The following YEATS2 variants were observed in gnomAD, a reference collection of about 807,000 sequenced individuals.
YEATS2 encodes the protein YEATS domain-containing protein 2.
Under a neutral mutation model 163.2 loss-of-function variants are expected in YEATS2, and 77 were observed. The ratio of observed to expected loss-of-function variants is 0.47; its 90% CI spans 0.39 to 0.57. The LOEUF (loss-of-function observed/expected upper bound fraction) is 0.57, where lower values mean the gene tolerates loss of function less well. Among genes scored for constraint, YEATS2 ranks in the 20% least tolerant of loss-of-function variants. The probability of loss-of-function intolerance (pLI) is 0.00; values close to 1 mark genes in which losing one functional copy is unlikely to be tolerated. For missense variants in YEATS2, 1,549 were observed against 1,729.8 expected, an observed-to-expected ratio of 0.90 and a Z score of 1.85; for synonymous variants, 631 against 645.1, an observed-to-expected ratio of 0.98 and a Z score of 0.33.
chr3:183,752,418 A>G (rs1720267605), intron 10 of YEATS2, among the ~76,000 whole-genome samples, 165 bp downstream of exon 10: 1 of 152,170 alleles, frequency 6.6e-6, no homozygotes, highest in Non-Finnish European at 1.5e-5. Context: ...CTTGTCAAAA[A>G]TATTTTTCCG....
In YEATS2 at chr3:183,810,309, G is replaced by A. The variant is rs199896523; in HGVS notation, c.4161-166G>A. On this transcript the variant is annotated intron_variant, in intron 30 of 30. Coordinates refer to ENST00000305135, the MANE Select transcript of YEATS2 (RefSeq NM_018023.5). ...TGACATCCTTCTCATGCCTATGACA[G>A]GAAGGCAGTCCTCACCCCAGAGTGG... The A allele has an allele frequency of 6.8e-6, 4 of 588,786 alleles. No individual in the cohort carries two copies. The East Asian group carries it at 1.2e-4, about 17-fold the overall frequency. 36.5% of individuals were successfully genotyped at this position (588,786 alleles called of 1,614,324 possible).
intron 30 of YEATS2, 55 bp from the exon 31 acceptor site, chr3:183,810,420 A>G (rs1218713404): frequency 1.4e-6 from 2 of 1,473,350 alleles, no homozygotes; most frequent in Non-Finnish European, 1.9e-6. Context: ...TGAATAAATG[A>G]TGAGATATAC....
intron 28 of YEATS2, chr3:183,807,740 G>A (rs943332848): frequency 4.7e-5 from 15 of 321,170 alleles, no homozygotes; most frequent in East Asian, 1.3e-4. Flanking sequence ...TGTTGATTGC[G>A]TATCAGAACC....
At chr3:183,752,769 C>T (rs1275418730) in intron 10 of YEATS2, among the ~76,000 whole-genome samples, 1 of 150,284 alleles carries the variant, frequency 6.7e-6, no homozygotes, top group African/African-American at 2.4e-5. Flanking sequence ...GTAAAAATAG[C>T]TAAAAAACAT....
chr3:183,715,083 T>C, intron 1 of YEATS2, 61 bp from the exon 2 acceptor site: 1 of 981,952 alleles, frequency 1.0e-6, no homozygotes, highest in Non-Finnish European at 1.6e-6. Flanking sequence ...TATGCAGTGT[T>C]ACTACAACCC....
At chr3:183,741,548 G>A (rs1200171257) in intron 8 of YEATS2, among the ~76,000 whole-genome samples, 3 of 151,442 alleles carry the variant, frequency 2.0e-5, no homozygotes, top group African/African-American at 4.8e-5. Flanking sequence ...TTGGGAGGCC[G>A]AGGCGAGTGG....
chr3:183,755,112 G>C (rs1303766803), intron 11 of YEATS2, among the ~76,000 whole-genome samples: 3 of 152,002 alleles, frequency 2.0e-5, no homozygotes, highest in African/African-American at 7.3e-5. Flanking sequence ...GCTTCTAATT[G>C]GTAGGCAATT....
intron 19 of YEATS2, among the ~76,000 whole-genome samples, chr3:183,781,825 C>G (rs1723588236): frequency 6.6e-6 from 1 of 152,044 alleles, no homozygotes; most frequent in South Asian, 2.1e-4. Flanking sequence ...ATGGCTTGAG[C>G]CTTTGAAGTT....
At chr3:183,763,073 T>C (rs7430163) in intron 15 of YEATS2, among the ~76,000 whole-genome samples, 1 of 148,936 alleles carries the variant, frequency 6.7e-6, no homozygotes, top group Non-Finnish European at 1.5e-5. Flanking sequence ...ATTAAAAAAT[T>C]AAAAAAAAAA....
chr3:183,715,307 C>A, intron 2 of YEATS2, 45 bp downstream of exon 2: 3 of 1,393,240 alleles, frequency 2.2e-6, no homozygotes, highest in Non-Finnish European at 3.0e-6. Context: ...TGACATATGC[C>A]TCCGCTAGAA....
At chr3:183,743,461 G>A (rs962865748) in intron 8 of YEATS2, among the ~76,000 whole-genome samples, 2 of 151,896 alleles carry the variant, frequency 1.3e-5, no homozygotes, top group South Asian at 2.1e-4. Flanking sequence ...TTATCTCAGC[G>A]TCCCAGGTAG....
At chr3:183,806,484 G>T (rs750803473) in intron 27 of YEATS2, 1 of 437,168 alleles carries the variant, frequency 2.3e-6, no homozygotes, top group South Asian at 1.7e-5. Flanking sequence ...TGAGCAGTGA[G>T]AATAGGGGTG....
At chr3:183,780,583 AGAG>A (rs1723474560) in intron 19 of YEATS2, among the ~76,000 whole-genome samples, 1 of 152,134 alleles carries the variant, frequency 6.6e-6, no homozygotes, top group Non-Finnish European at 1.5e-5. Context: ...TTTGGCGCTG[AGAG>A]GAGTATTGCT....
intron 8 of YEATS2, among the ~76,000 whole-genome samples, chr3:183,744,606 C>T (rs1416958010): frequency 6.6e-6 from 1 of 152,072 alleles, no homozygotes; most frequent in Non-Finnish European, 1.5e-5. Context: ...TAAAATGTTT[C>T]CTACCAGTTT....
chr3:183,757,584 T>A (rs750100910), intron 12 of YEATS2, among the ~76,000 whole-genome samples: 2 of 152,154 alleles, frequency 1.3e-5, no homozygotes, highest in African/African-American at 4.8e-5. Flanking sequence ...CTGGCCCCAT[T>A]CAACCTGTAT....
intron 9 of YEATS2, 94 bp from the exon 10 acceptor site, chr3:183,751,979 C>G: frequency 7.2e-7 from 1 of 1,388,606 alleles, no homozygotes; most frequent in Non-Finnish European, 1.0e-6. Context: ...GAAGTTATCT[C>G]TCACATCCCG....
At chr3:183,714,902 G>T (rs1715670929) in intron 1 of YEATS2, among the ~76,000 whole-genome samples, 2 of 150,660 alleles carry the variant, frequency 1.3e-5, no homozygotes, top group Non-Finnish European at 3.0e-5. Flanking sequence ...GTTAACAGAT[G>T]ATTATGATTT....
intron 8 of YEATS2, among the ~76,000 whole-genome samples, chr3:183,742,994 G>A (rs1193568302): frequency 6.6e-6 from 1 of 152,172 alleles, no homozygotes; most frequent in East Asian, 1.9e-4. Context: ...ATTAAGTTAT[G>A]TAGATTATTT....
chr3:183,783,978 G>A (rs765766890), intron 19 of YEATS2, among the ~76,000 whole-genome samples: 4 of 152,140 alleles, frequency 2.6e-5, no homozygotes, highest in Non-Finnish European at 5.9e-5. Context: ...CCAGGCTGGA[G>A]TGCAGCACCC....
Sources: allele counts gnomAD v4.1 joint callset (sites outside exome capture counted in the v4.1 genomes callset), GRCh38; gene constraint gnomAD v4.1.1; transcripts MANE v1.5; gene names NCBI Gene and HGNC (gene_info 2026-07-23, HGNC 2026-07-21).